Variants in EIF5A2 observed in about 807,000 individuals in gnomAD.
The protein encoded by EIF5A2 is eukaryotic translation initiation factor 5A2.
Under a neutral mutation model 16.4 loss-of-function variants are expected in EIF5A2, and 15 were observed. That is an observed-to-expected ratio of 0.92 (90% CI 0.61 to 1.41). The LOEUF is 1.41. Ranked by LOEUF, EIF5A2 falls within the 40% of genes most tolerant of loss-of-function variation. The pLI, the probability that EIF5A2 is intolerant of heterozygous loss-of-function variation, is 0.00. For synonymous variants in EIF5A2, 48 were observed against 61.1 expected, an observed-to-expected ratio of 0.79 and a Z score of 1.00; for missense variants, 144 against 189.5, an observed-to-expected ratio of 0.76 and a Z score of 1.41.
At position 170,890,728 on chromosome 3, in the gene EIF5A2, T is replaced by A. The variant is rs972872289; in HGVS notation, c.*2632A>T. 1 of 152,608 alleles carries A rather than the reference T, an allele frequency of 6.6e-6. No homozygotes were observed. The highest frequency in any genetic ancestry group is 1.5e-5 in the Non-Finnish European group (1 of 68,000). The allele number at this position is 152,608 out of a possible 1,614,324, so 9.5% of individuals were successfully genotyped here. A position where few individuals can be genotyped will look rare whatever the true frequency, so the allele number is the denominator to read the frequency against. On this transcript the variant is annotated 3_prime_UTR_variant, in exon 5 of 5. Coordinates refer to ENST00000295822, the MANE Select transcript of EIF5A2 (RefSeq NM_020390.6). ...AACATGACAGTCCACATTCTATACATGGTAACTCGTGATTTTTAACATTTG... is the reference window on the plus strand; with the variant it reads ...AACATGACAGTCCACATTCTATACAAGGTAACTCGTGATTTTTAACATTTG...
intron 3 of EIF5A2, among the ~76,000 whole-genome samples, chr3:170,896,433 C>T (rs11710201): frequency 0.13 from 20,260 of 152,104 alleles, 1,829 homozygotes; most frequent in African/African-American, 0.26. Context: ...CCCCACATGT[C>T]GAGGGAGGGA....
intron 3 of EIF5A2, among the ~76,000 whole-genome samples, chr3:170,904,866 T>C (rs1712897052): frequency 6.6e-6 from 1 of 152,246 alleles, no homozygotes; most frequent in Non-Finnish European, 1.5e-5. Context: ...GAGGCGTTAT[T>C]ATTTATGTCT....
intron 3 of EIF5A2, among the ~76,000 whole-genome samples, chr3:170,902,431 G>C (rs1031414307): frequency 2.3e-5 from 3 of 128,342 alleles, no homozygotes; most frequent in African/African-American, 9.3e-5. Context: ...TTGAGACCGA[G>C]TCTTGCTCTG....
In EIF5A2 at chr3:170,893,268, T is replaced by G. The variant is rs1350496958; in HGVS notation, c.*92A>C. 3 of 1,270,272 alleles carry G rather than the reference T, an allele frequency of 2.4e-6. No individual in the cohort carries two copies. The highest frequency in any genetic ancestry group is 3.3e-6 in the Non-Finnish European group (3 of 918,348). 78.7% of individuals were successfully genotyped at this position (1,270,272 alleles called of 1,614,324 possible). A position where few individuals can be genotyped will look rare whatever the true frequency, so the allele number is the denominator to read the frequency against. ...CAATTAAAAAAAGAAATGAGGTTGCTTATGAAGGCTATAGCTTTGGTGACA... is the reference window on the plus strand; with the variant it reads ...CAATTAAAAAAAGAAATGAGGTTGCGTATGAAGGCTATAGCTTTGGTGACA... On this transcript the variant is annotated 3_prime_UTR_variant, in exon 5 of 5. Coordinates refer to ENST00000295822, the MANE Select transcript of EIF5A2 (RefSeq NM_020390.6).
In EIF5A2 at chr3:170,889,146, G is replaced by A. The variant is rs1239314989; in HGVS notation, c.*4214C>T. On this transcript the variant is annotated 3_prime_UTR_variant, in exon 5 of 5. Transcript: ENST00000295822. ...AAAGTTGGCAACAAGTATGTTTCTA[G>A]CAGGTGAAAGCCTGGTATGCATTGC... 7.7e-6 allele frequency: 1 copy of A among 129,578 alleles called. No homozygotes were observed. The highest frequency in any genetic ancestry group is 2.9e-5 in the African/African-American group (1 of 34,032). 8.0% of individuals were successfully genotyped at this position (129,578 alleles called of 1,614,324 possible).
rs1560008360 is a variant in EIF5A2, at chr3:170,891,293, A to G, written c.*2067T>C. On this transcript the variant is annotated 3_prime_UTR_variant, in exon 5 of 5. Transcript: ENST00000295822. ...ATTAAGATACACATTACAGAGTACTAAGAAACTAGAGCAGTATGTAGTAGG... is the reference window on the plus strand; with the variant it reads ...ATTAAGATACACATTACAGAGTACTGAGAAACTAGAGCAGTATGTAGTAGG... 6.5e-6 allele frequency: 1 copy of G among 152,738 alleles called. No individual in the cohort carries two copies. The highest frequency in any genetic ancestry group is 2.1e-4 in the South Asian group (1 of 4,824). The allele number at this position is 152,738 out of a possible 1,614,324, so 9.5% of individuals were successfully genotyped here.
chr3:170,901,136 G>T (rs1308483849), intron 3 of EIF5A2, among the ~76,000 whole-genome samples: 2 of 152,178 alleles, frequency 1.3e-5, no homozygotes, highest in Non-Finnish European at 2.9e-5. Flanking sequence ...AATGCAATTA[G>T]CAAAATCCAT....
intron 2 of EIF5A2, among the ~76,000 whole-genome samples, 189 bp downstream of exon 2, chr3:170,907,453 G>T (rs955029683): frequency 6.6e-6 from 1 of 152,160 alleles, no homozygotes; most frequent in African/African-American, 2.4e-5. Context: ...AATGAACATT[G>T]TAAGGGCCCA....
At chr3:170,900,146 G>A (rs1004865499) in intron 3 of EIF5A2, among the ~76,000 whole-genome samples, 1 of 151,758 alleles carries the variant, frequency 6.6e-6, no homozygotes, top group Admixed American at 6.6e-5. Context: ...CAAGGCAGGC[G>A]GATCATTTGA....
rs1436716804 is a variant in EIF5A2 at position 170,907,095 on chromosome 3, T to G, written c.166-2A>C. On this transcript the variant is annotated splice_acceptor_variant, in intron 2 of 4. Transcript: ENST00000295822. LOFTEE classifies it high-confidence loss of function. Reference sequence around the variant, plus strand: ...AATATCAATTCCAACAAGGTGAACCTAACAGAGGAGAACAGGAAACCTGTT... The same window carrying G: ...AATATCAATTCCAACAAGGTGAACCGAACAGAGGAGAACAGGAAACCTGTT... 7 of 1,604,104 alleles carry G rather than the reference T, an allele frequency of 4.4e-6. No homozygotes were observed. Among genetic ancestry groups the G allele is most frequent in the Non-Finnish European group, 5.1e-6 (6 of 1,172,604 alleles).
At position 170,893,344 on chromosome 3, in the gene EIF5A2, T is replaced by C. The variant is rs945487971; in HGVS notation, c.*16A>G. ...TTGATTCAGACATAAACAGTGTTCA[T>C]GCCTGATGTTTCCGTTTATTTGCAG... On this transcript the variant is annotated 3_prime_UTR_variant, in exon 5 of 5. Transcript: ENST00000295822. 2.5e-6 allele frequency: 4 copies of C among 1,613,818 alleles called. No individual in the cohort carries two copies. The highest frequency in any genetic ancestry group is 1.6e-4 in the Middle Eastern group (1 of 6,080).
At position 170,907,739 on chromosome 3, in the gene EIF5A2, G is replaced by T; in HGVS notation, c.68C>A (p.Ser23Ter). Residue 23 changes from serine to a stop codon, truncating the protein, a stop_gained, in exon 2 of 5, where the codon TCG becomes TAG. Coordinates refer to ENST00000295822, the MANE Select transcript of EIF5A2 (RefSeq NM_020390.6). LOFTEE classifies it high-confidence loss of function. ...CACGAAGCCGTTTTTGCGCAAGGCC[G>T]AGCACTGCATAGGGTAAGTGCTGGA... ...GASSTYPMQCSALRKNGFVVL... is the reference protein window; with the variant it reads ...GASSTYPMQC The T allele has an allele frequency of 1.9e-6, 3 of 1,608,782 alleles. No individual in the cohort carries two copies. The highest frequency in any genetic ancestry group is 2.7e-5 in the African/African-American group (2 of 74,942).
chr3:170,907,098 CAG>C lies in EIF5A2; in HGVS notation c.166-7_166-6del. 6.3e-7 allele frequency: 1 copy of C among 1,595,422 alleles called. No homozygotes were observed. The highest frequency in any genetic ancestry group is 8.6e-7 in the Non-Finnish European group (1 of 1,165,248). ...ATCAATTCCAACAAGGTGAACCTAA[CAG>C]AGGAGAACAGGAAACCTGTTTAATC... On this transcript the variant is annotated splice_polypyrimidine_tract_variant and splice_region_variant and intron_variant, in intron 2 of 4. Transcript: ENST00000295822.
chr3:170,898,549 C>T (rs190456784), intron 3 of EIF5A2, among the ~76,000 whole-genome samples: 421 of 152,294 alleles, frequency 2.8e-3, no homozygotes, highest in Middle Eastern at 6.8e-3. Context: ...TGCCTTGCTT[C>T]CCTTTCACCT....
At position 170,891,162 on chromosome 3, in the gene EIF5A2, A is replaced by C. The variant is rs796230738; in HGVS notation, c.*2198T>G. The C allele has an allele frequency of 5.2e-5, 8 of 152,656 alleles. No individual in the cohort carries two copies. The highest frequency in any genetic ancestry group is 1.9e-4 in the African/African-American group (8 of 41,582). 9.5% of individuals were successfully genotyped at this position (152,656 alleles called of 1,614,324 possible). On this transcript the variant is annotated 3_prime_UTR_variant, in exon 5 of 5. Coordinates refer to ENST00000295822, the MANE Select transcript of EIF5A2 (RefSeq NM_020390.6). ...GCATGCTAATTGAGAGTTAATACTG[A>C]ATCATAACACCAGCATGGTTAAGAG...
intron 3 of EIF5A2, among the ~76,000 whole-genome samples, chr3:170,901,090 A>G (rs1712801590): frequency 6.6e-6 from 1 of 152,250 alleles, no homozygotes; most frequent in African/African-American, 2.4e-5. Context: ...GTTTCAGGAA[A>G]CACAAGGGAC....
chr3:170,906,196 T>G (rs1391760694), intron 3 of EIF5A2, among the ~76,000 whole-genome samples: 1 of 152,086 alleles, frequency 6.6e-6, no homozygotes, highest in Non-Finnish European at 1.5e-5. Context: ...CAGAAATGAG[T>G]TTGATATATG....
At position 170,889,967 on chromosome 3, in the gene EIF5A2, GA is replaced by G. The variant is rs1274476061; in HGVS notation, c.*3392del. 4.6e-5 allele frequency: 7 copies of G among 152,412 alleles called. No individual in the cohort carries two copies. Among genetic ancestry groups the G allele is most frequent in the Non-Finnish European group, 8.8e-5 (6 of 67,928 alleles). The allele number at this position is 152,412 out of a possible 1,614,324, so 9.4% of individuals were successfully genotyped here. On this transcript the variant is annotated 3_prime_UTR_variant, in exon 5 of 5. Coordinates refer to ENST00000295822, the MANE Select transcript of EIF5A2 (RefSeq NM_020390.6). ...GTAGTTTAAGTGTGTTGACATTAAG[GA>G]TTTTTTTATATGCATGTATCACAGT...
chr3:170,903,115 A>G (rs1712854852), intron 3 of EIF5A2, among the ~76,000 whole-genome samples: 2 of 151,848 alleles, frequency 1.3e-5, no homozygotes, highest in African/African-American at 4.8e-5. Context: ...TACCCCTTCC[A>G]TCATGAAACA....
Sources: gnomAD v4.1 joint callset for allele counts (sites outside exome capture counted in the v4.1 genomes callset) on GRCh38, gnomAD v4.1.1 for gene constraint, MANE v1.5 for transcripts, NCBI Gene and HGNC (gene_info 2026-07-23, HGNC 2026-07-21) for gene names.